The following SUPT3H variants were observed in gnomAD, a reference collection of about 807,000 sequenced individuals.
SUPT3H encodes SPT3 homolog, SAGA and STAGA complex component, also known as transcription initiation protein SPT3 homolog.
SUPT3H carries 44 observed loss-of-function variants against 44.3 expected under a neutral mutation model. The observed-to-expected ratio is 0.99, with a 90% confidence interval of 0.78 to 1.28. SUPT3H has a LOEUF of 1.28. Ranked by LOEUF, SUPT3H falls within the 50% of genes most tolerant of loss-of-function variation. The pLI, the probability that SUPT3H is intolerant of heterozygous loss-of-function variation, is 0.00. For synonymous variants in SUPT3H, 124 were observed against 125.6 expected (o/e 0.99, Z 0.09); for missense variants, 380 against 387.1 (o/e 0.98, Z 0.15).
chr6:44,899,235 T>C (rs2153447123), intron 10 of SUPT3H: 1 of 152,380 alleles, frequency 6.6e-6, no homozygotes, highest in South Asian at 2.1e-4. Context: ...AATATCCATG[T>C]GACTATTCAA....
At chr6:44,970,073 T>A (rs1012648396) in intron 6 of SUPT3H, among the ~76,000 whole-genome samples, 6 of 152,306 alleles carry the variant, frequency 3.9e-5, no homozygotes, top group East Asian at 3.9e-4. Flanking sequence ...CAGTTTTTTT[T>A]ATCTATATCC....
chr6:45,203,837 A>G (rs1192941311), intron 2 of SUPT3H, among the ~76,000 whole-genome samples: 1 of 152,130 alleles, frequency 6.6e-6, no homozygotes, highest in African/African-American at 2.4e-5. Context: ...GCCCCCCTTG[A>G]CCATCCCTCT....
intron 2 of SUPT3H, among the ~76,000 whole-genome samples, chr6:45,327,629 G>A (rs180680239): frequency 4.5e-4 from 68 of 151,944 alleles, no homozygotes; most frequent in Non-Finnish European, 7.1e-4. Flanking sequence ...AAACTAGACA[G>A]ACGTGATTTA....
intron 3 of SUPT3H, among the ~76,000 whole-genome samples, chr6:45,021,717 A>G (rs1264442137): frequency 6.6e-6 from 1 of 152,048 alleles, no homozygotes; most frequent in African/African-American, 2.4e-5. Flanking sequence ...CAAATAGTAC[A>G]TTTGTGCTAA....
At chr6:45,374,690 TACTC>T (rs1191385263) in intron 1 of SUPT3H, among the ~76,000 whole-genome samples, 2 of 152,168 alleles carry the variant, frequency 1.3e-5, no homozygotes, top group Admixed American at 6.5e-5. Context: ...TCAACACAAA[TACTC>T]AATCACCTGA....
intron 2 of SUPT3H, among the ~76,000 whole-genome samples, chr6:45,324,238 G>A (rs1785993857): frequency 6.6e-6 from 1 of 151,640 alleles, no homozygotes. Context: ...AATAATCAAA[G>A]AAAAAAAAGT....
At chr6:45,027,888 T>C (rs1786275867) in intron 3 of SUPT3H, among the ~76,000 whole-genome samples, 1 of 152,226 alleles carries the variant, frequency 6.6e-6, no homozygotes, top group African/African-American at 2.4e-5. Flanking sequence ...AATGTTGCTG[T>C]TGACAAGTCG....
intron 2 of SUPT3H, among the ~76,000 whole-genome samples, chr6:45,346,215 G>A (rs10456552): frequency 0.41 from 62,879 of 151,764 alleles, 13,855 homozygotes; most frequent in Non-Finnish European, 0.5. Context: ...CTCTACTTAT[G>A]TATATATGTA....
chr6:45,013,673 T>C (rs948730036), intron 5 of SUPT3H, among the ~76,000 whole-genome samples: 2 of 151,922 alleles, frequency 1.3e-5, no homozygotes, highest in African/African-American at 4.8e-5. Context: ...TGAGGTTAAG[T>C]GAGAAAAGGG....
intron 2 of SUPT3H, among the ~76,000 whole-genome samples, chr6:45,291,205 A>G (rs1242346129): frequency 3.9e-5 from 6 of 152,156 alleles, no homozygotes; most frequent in Non-Finnish European, 7.3e-5. Context: ...GATAATCACT[A>G]CAACTCGGCT....
At position 45,230,415 on chromosome 6, in the gene SUPT3H, T is replaced by TG. The variant is rs567827811; in HGVS notation, c.102-124410dup. ...CTTTATGAACCTGCATGCCCCAGTG[T>TG]GGGGGGGGCTTATGTAACAATTGTT... On this transcript the variant is annotated intron_variant, in intron 2 of 10. Coordinates refer to ENST00000371459, the MANE Select transcript of SUPT3H (RefSeq NM_003599.4). Among the ~76,000 whole-genome samples the TG allele has an allele frequency of 5.5e-3, 831 of 151,070 alleles. 4 individuals are homozygous for TG. Among genetic ancestry groups the TG allele is most frequent in the Non-Finnish European group, 8.3e-3 (559 of 67,648 alleles).
At chr6:45,240,080 T>A (rs962204656) in intron 2 of SUPT3H, among the ~76,000 whole-genome samples, 1 of 151,960 alleles carries the variant, frequency 6.6e-6, no homozygotes, top group African/African-American at 2.4e-5. Flanking sequence ...GGGGTAGAGG[T>A]TATGCTTGTC....
At chr6:44,889,701 G>GT (rs1398867984) in intron 10 of SUPT3H, among the ~76,000 whole-genome samples, 51 of 152,052 alleles carry the variant, frequency 3.4e-4, no homozygotes, top group Admixed American at 1.3e-4. Flanking sequence ...CATAGGCATG[G>GT]GCAAGGACTT....
intron 2 of SUPT3H, among the ~76,000 whole-genome samples, chr6:45,235,939 G>T: frequency 6.6e-6 from 1 of 152,144 alleles, no homozygotes. Context: ...TGGCATGAGC[G>T]ATCTGTGCCT....
At chr6:44,987,019 C>G (rs902982996) in intron 6 of SUPT3H, among the ~76,000 whole-genome samples, 3 of 152,020 alleles carry the variant, frequency 2.0e-5, no homozygotes, top group Non-Finnish European at 4.4e-5. Context: ...TATATTTCTC[C>G]CGGTTCTGAA....
chr6:45,106,475 G>A (rs1222103196), intron 2 of SUPT3H, among the ~76,000 whole-genome samples: 6 of 152,062 alleles, frequency 3.9e-5, no homozygotes, highest in Non-Finnish European at 1.5e-5. Context: ...TCCCACACAA[G>A]TTGCAACTTC....
chr6:44,900,185 G>T (rs1341512518), intron 10 of SUPT3H, among the ~76,000 whole-genome samples: 2 of 152,222 alleles, frequency 1.3e-5, no homozygotes, highest in African/African-American at 4.8e-5. Context: ...GCAGGACAGT[G>T]GGTGCAGCGC....
At chr6:45,281,979 G>A (rs1290133477) in intron 2 of SUPT3H, among the ~76,000 whole-genome samples, 3 of 152,148 alleles carry the variant, frequency 2.0e-5, no homozygotes, top group Admixed American at 2.0e-4. Context: ...GGCAAACAGG[G>A]TCTAGAGTGG....
chr6:44,888,087 G>C (rs1415152073), intron 10 of SUPT3H, among the ~76,000 whole-genome samples: 1 of 152,148 alleles, frequency 6.6e-6, no homozygotes, highest in African/African-American at 2.4e-5. Flanking sequence ...TCTCTGAATA[G>C]ACCAATAAGA....
Sources: allele counts gnomAD v4.1 joint callset (sites outside exome capture counted in the v4.1 genomes callset), GRCh38; gene constraint gnomAD v4.1.1; transcripts MANE v1.5; gene names NCBI Gene and HGNC (gene_info 2026-07-23, HGNC 2026-07-21).